Variants in NCOA2 observed in about 807,000 individuals in gnomAD.
NCOA2 encodes the protein class E basic helix-loop-helix protein 75.
A neutral mutation model predicts 145.1 loss-of-function variants in NCOA2; 21 were observed. The ratio of observed to expected loss-of-function variants is 0.14; its 90% CI spans 0.10 to 0.21. The LOEUF (loss-of-function observed/expected upper bound fraction) is 0.21, where lower values mean the gene tolerates loss of function less well. Ranked by LOEUF, NCOA2 falls within the 10% of genes least tolerant of loss-of-function variation. The pLI, the probability that NCOA2 is intolerant of heterozygous loss-of-function variation, is 1.00. For missense variants in NCOA2, 1,472 were observed against 1,837.6 expected (o/e 0.80, Z 3.64); for synonymous variants, 619 against 637.5 (o/e 0.97, Z 0.44).
At chr8:70,395,885 A>C (rs1813620274) in intron 1 of NCOA2, among the ~76,000 whole-genome samples, 1 of 152,248 alleles carries the variant, frequency 6.6e-6, no homozygotes, top group Non-Finnish European at 1.5e-5. Context: ...ACCGTGCATT[A>C]TATTCTCGTC....
rs539784597 is a variant in NCOA2, at chr8:70,389,433, A to G, written c.-77+14267T>C. 2.1e-3 allele frequency among the ~76,000 whole-genome samples: 313 copies of G among 150,478 alleles called. 8 individuals are homozygous for G. In the Middle Eastern group the frequency reaches 0.021, roughly 10 times the overall value. The stretch of plus-strand genomic sequence containing the variant: ...GTAGCTGGGATTACAGGCATGCGCC[A>G]CCACACCTGGCTAATTTTGAATCTT... On this transcript the variant is annotated intron_variant, in intron 1 of 22. Coordinates refer to ENST00000452400, the MANE Select transcript of NCOA2 (RefSeq NM_006540.4).
At chr8:70,202,894 A>C (rs1279151527) in intron 4 of NCOA2, among the ~76,000 whole-genome samples, 1 of 152,206 alleles carries the variant, frequency 6.6e-6, no homozygotes, top group Non-Finnish European at 1.5e-5. Flanking sequence ...GGAAGGACCA[A>C]TGAAAATAGT....
At chr8:70,422,980 A>G in the NCOA2 span, among the ~76,000 whole-genome samples, 1 of 152,014 alleles carries the variant, frequency 6.6e-6, no homozygotes, top group Non-Finnish European at 1.5e-5. Context: ...AGGGGCCGCC[A>G]CTGTGCCCCA....
At chr8:70,230,834 T>G (rs934438278) in intron 2 of NCOA2, among the ~76,000 whole-genome samples, 1 of 152,226 alleles carries the variant, frequency 6.6e-6, no homozygotes, top group Non-Finnish European at 1.5e-5. Flanking sequence ...TTTTAAAATG[T>G]AAGTGTGTAT....
chr8:70,156,707 G>A lies in NCOA2; in HGVS notation c.1658C>T (p.Ala553Val). The change falls in exon 11 of 23, where the codon GCT (alanine) becomes GTT (valine). Residue 553 changes from alanine (A) to valine (V), a missense_variant. This residue lies in a region of NCOA2 where 953 missense variants were observed against 1,062.1 expected (regional missense o/e 0.90). Transcript: ENST00000452400. Reference sequence around the variant, plus strand: ...ATTGCCCATTTTTAGGTCTGGTGAAGCCAACGATGACCCTAATGAGACCCC... The same window carrying A: ...ATTGCCCATTTTTAGGTCTGGTGAAACCAACGATGACCCTAATGAGACCCC... Reference protein sequence around the residue: ...GHGVSLGSSLASPDLKMGNLQ... With the variant: ...GHGVSLGSSLVSPDLKMGNLQ... 1 of 1,613,990 alleles carries A rather than the reference G, an allele frequency of 6.2e-7. No individual in the cohort carries two copies. Among genetic ancestry groups the A allele is most frequent in the Non-Finnish European group, 8.5e-7 (1 of 1,179,868 alleles).
intron 6 of NCOA2, 81 bp downstream of exon 6, chr8:70,170,121 C>T: frequency 7.4e-7 from 1 of 1,348,844 alleles, no homozygotes; most frequent in Non-Finnish European, 1.0e-6. Flanking sequence ...ATTTGATCCA[C>T]TTCAACCAAG....
chr8:70,405,466 T>C (rs1162478119), upstream of NCOA2, among the ~76,000 whole-genome samples: 2 of 138,582 alleles, frequency 1.4e-5, no homozygotes. Context: ...TTTTTTTTTT[T>C]TAGCTAGCTG....
intron 1 of NCOA2, among the ~76,000 whole-genome samples, chr8:70,359,327 G>A (rs755260118): frequency 2.6e-5 from 4 of 152,048 alleles, no homozygotes; most frequent in South Asian, 2.1e-4. Flanking sequence ...CCAAAATGTC[G>A]ATCAATGAAT....
At chr8:70,170,413 A>G in intron 5 of NCOA2, 34 bp from the exon 6 acceptor site, 2 of 1,498,846 alleles carry the variant, frequency 1.3e-6, no homozygotes, top group Non-Finnish European at 1.8e-6. Context: ...GTTAGAAAGG[A>G]TGCAACATAA....
chr8:70,141,154 T>G (rs371850335), intron 14 of NCOA2, 30 bp downstream of exon 14: 4 of 1,598,882 alleles, frequency 2.5e-6, no homozygotes, highest in Admixed American at 1.7e-5. Flanking sequence ...GCATAAAAGT[T>G]AAAAGCAAAC....
At chr8:70,175,638 C>G (rs1319863528) in intron 4 of NCOA2, among the ~76,000 whole-genome samples, 1 of 152,216 alleles carries the variant, frequency 6.6e-6, no homozygotes, top group East Asian at 1.9e-4. Flanking sequence ...GCACACTTAT[C>G]AACGTATGTG....
chr8:70,147,689 C>G (rs934868465), intron 12 of NCOA2, among the ~76,000 whole-genome samples: 14 of 152,142 alleles, frequency 9.2e-5, no homozygotes, highest in African/African-American at 3.4e-4. Flanking sequence ...ACTTAGAATA[C>G]ATTTAGAAAC....
chr8:70,419,876 C>T, the NCOA2 span, among the ~76,000 whole-genome samples: 17 of 152,262 alleles, frequency 1.1e-4, no homozygotes, highest in Middle Eastern at 3.4e-3. Flanking sequence ...CCATGAATGA[C>T]GACAGTTTTT....
Position 70,159,592 on chromosome 8 carries a change from A to G in NCOA2, c.1037T>C (p.Leu346Pro), listed in dbSNP as rs746206192. 4 of 1,613,190 alleles carry G rather than the reference A, an allele frequency of 2.5e-6. No individual in the cohort carries two copies. The South Asian group carries it at 4.4e-5, about 18-fold the overall frequency. Residue 346 changes from leucine (L) to proline (P), a missense_variant, in exon 10 of 23, where the codon CTT (leucine) becomes CCT (proline). Coordinates refer to ENST00000452400, the MANE Select transcript of NCOA2 (RefSeq NM_006540.4). ...TTTGCTCTTCGTTTGTGCAGCAACA[A>G]GAGTGCCATCAGACAAGGAAAAACG... ...IYRFSLSDGT[L>P]VAAQTKSKLI...
At chr8:70,279,856 C>G (rs1483128683) in intron 2 of NCOA2, among the ~76,000 whole-genome samples, 1 of 152,174 alleles carries the variant, frequency 6.6e-6, no homozygotes, top group African/African-American at 2.4e-5. Context: ...AAAGCCAACA[C>G]AAGAAAGTAG....
chr8:70,148,875 C>G (rs1811416273), intron 11 of NCOA2, among the ~76,000 whole-genome samples: 1 of 152,034 alleles, frequency 6.6e-6, no homozygotes, highest in South Asian at 2.1e-4. Flanking sequence ...GTTTTATCAT[C>G]AAAACTCCCT....
At chr8:70,403,935 G>A, upstream of NCOA2, 2 of 375,188 alleles carry the variant, frequency 5.3e-6, no homozygotes, top group East Asian at 7.5e-5. Flanking sequence ...AGGGGAGGGG[G>A]CTCGGGAGCC....
Position 70,251,512 on chromosome 8 carries a change from A to T in NCOA2, c.-19-34748T>A, listed in dbSNP as rs16936850. On this transcript the variant is annotated intron_variant, in intron 2 of 22. Coordinates refer to ENST00000452400, the MANE Select transcript of NCOA2 (RefSeq NM_006540.4). ...ATTAGCACACTGTAAACCACTCTAA[A>T]GTAAGTCGCCTTTAAAAATGTATTT... is the stretch of plus-strand genomic sequence containing the variant. 6.7e-3 allele frequency among the ~76,000 whole-genome samples: 1,027 copies of T among 152,326 alleles called. 12 individuals are homozygous for T. Among genetic ancestry groups the T allele is most frequent in the Middle Eastern group, 0.027 (8 of 294 alleles).
chr8:70,355,214 T>C (rs1044106230), intron 1 of NCOA2, among the ~76,000 whole-genome samples: 2 of 152,166 alleles, frequency 1.3e-5, no homozygotes, highest in Non-Finnish European at 2.9e-5. Flanking sequence ...CAGAAGAACA[T>C]TCAAAACCAG....
Sources: gnomAD v4.1 joint callset for allele counts (sites outside exome capture counted in the v4.1 genomes callset) on GRCh38, gnomAD v4.1.1 for gene constraint, gnomAD v4.1.1 regional missense constraint, MANE v1.5 for transcripts, NCBI Gene and HGNC (gene_info 2026-07-23, HGNC 2026-07-21) for gene names.